STIP1: variants seen among roughly 807,000 people sequenced by gnomAD.
STIP1 encodes stress-induced-phosphoprotein 1.
STIP1 carries 16 observed loss-of-function variants against 77.4 expected under a neutral mutation model. The observed-to-expected ratio is 0.21, with a 90% CI of 0.14 to 0.31. STIP1 has a LOEUF of 0.31. STIP1 is among the 10% of genes least tolerant of loss of function. STIP1 has a pLI of 1.00. For missense variants in STIP1, 524 were observed against 684.8 expected, an observed-to-expected ratio of 0.77 and a Z score of 2.62; for synonymous variants, 258 against 246.6, an observed-to-expected ratio of 1.05 and a Z score of -0.44.
Position 64,193,145 on chromosome 11 carries a change from G to A in STIP1, c.77G>A (p.Cys26Tyr). 6.2e-7 allele frequency: 1 copy of A among 1,614,172 alleles called. No homozygotes were observed. Among genetic ancestry groups the A allele is most frequent in the Non-Finnish European group, 8.5e-7 (1 of 1,180,020 alleles). ...SVGNIDDALQCYSEAIKLDPH... is the reference protein window; with the variant it reads ...SVGNIDDALQYYSEAIKLDPH... The stretch of plus-strand genomic sequence containing the variant: ...GGTAACATCGATGATGCCTTACAGT[G>A]CTACTCCGAAGCTATTAAGCTGGAT... Residue 26 changes from cysteine to tyrosine, a missense_variant, in exon 2 of 14, where the codon TGC becomes TAC. Coordinates refer to ENST00000305218, the MANE Select transcript of STIP1 (RefSeq NM_006819.3).
chr11:64,191,582 G>A (rs2845598), intron 1 of STIP1, among the ~76,000 whole-genome samples: 5,795 of 152,204 alleles, frequency 0.038, 369 homozygotes, highest in African/African-American at 0.13. Context: ...CTCCAGTCTG[G>A]GGACAGAGCA....
chr11:64,189,675 T>G (rs907188586), intron 1 of STIP1, among the ~76,000 whole-genome samples: 1 of 152,250 alleles, frequency 6.6e-6, no homozygotes, highest in South Asian at 2.1e-4. Flanking sequence ...TTTACTGTTA[T>G]GTGCACTGTG....
intron 4 of STIP1, 135 bp downstream of exon 4, chr11:64,194,755 TG>T: frequency 9.0e-7 from 1 of 1,116,008 alleles, no homozygotes; most frequent in South Asian, 1.7e-5. Context: ...GAGCAGTAGG[TG>T]GTGGTCGTTT....
intron 10 of STIP1, among the ~76,000 whole-genome samples, chr11:64,202,117 C>T (rs1015056526): frequency 1.3e-5 from 2 of 152,364 alleles, no homozygotes; most frequent in South Asian, 4.1e-4. Context: ...TGTCAGCACA[C>T]GCGACCTCAC....
chr11:64,203,413 C>T (rs1488683044), intron 12 of STIP1, 37 bp from the exon 13 acceptor site: 1 of 1,612,636 alleles, frequency 6.2e-7, no homozygotes, highest in Non-Finnish European at 8.5e-7. Context: ...GCTGGGTGGT[C>T]CTAACACGCT....
At position 64,199,798 on chromosome 11, in the gene STIP1, C is replaced by T. The variant is rs1591013677; in HGVS notation, c.1024-142C>T. On this transcript the variant is annotated intron_variant, in intron 8 of 13. Coordinates refer to ENST00000305218, the MANE Select transcript of STIP1 (RefSeq NM_006819.3). ...CAGGATGGTCTCGATCTCCTGACCTCGTGATCCACCCGCCTCGGCCTCCCA... is the reference window on the plus strand; with the variant it reads ...CAGGATGGTCTCGATCTCCTGACCTTGTGATCCACCCGCCTCGGCCTCCCA... 10 of 758,584 alleles carry T rather than the reference C, an allele frequency of 1.3e-5. No individual in the cohort carries two copies. In the East Asian group the frequency reaches 1.6e-4, roughly 12 times the overall value. The allele number at this position is 758,584 out of a possible 1,614,324, so 47.0% of individuals were successfully genotyped here.
At chr11:64,199,528 C>T (rs1242548703) in intron 8 of STIP1, among the ~76,000 whole-genome samples, 1 of 141,284 alleles carries the variant, frequency 7.1e-6, no homozygotes, top group African/African-American at 2.6e-5. Flanking sequence ...AGAAAAAAAT[C>T]TTGCCAGCAA....
chr11:64,189,019 A>G (rs1946060292), intron 1 of STIP1, among the ~76,000 whole-genome samples: 1 of 152,230 alleles, frequency 6.6e-6, no homozygotes, highest in African/African-American at 2.4e-5. Context: ...GTTTGAGACC[A>G]ACCTGTCCAG....
intron 8 of STIP1, 28 bp from the exon 9 acceptor site, chr11:64,199,912 T>G (rs1256330822): frequency 6.2e-7 from 1 of 1,612,966 alleles, no homozygotes; most frequent in Non-Finnish European, 8.5e-7. Flanking sequence ...AGCGTTTAAA[T>G]TATTATTTCA....
At chr11:64,200,103 TA>T (rs1946200653) in intron 9 of STIP1, 65 bp from the exon 10 acceptor site, 1 of 1,612,168 alleles carries the variant, frequency 6.2e-7, no homozygotes, top group Non-Finnish European at 8.5e-7. Context: ...GGCTGTGGGG[TA>T]AATGGCCGGC....
intron 10 of STIP1, 104 bp downstream of exon 10, chr11:64,200,397 T>C: frequency 6.7e-7 from 1 of 1,495,964 alleles, no homozygotes; most frequent in Non-Finnish European, 9.0e-7. Context: ...ATCATGATGT[T>C]TGAGACAGTG....
At chr11:64,186,337 AG>A (rs1042533512) in intron 1 of STIP1, 67 bp downstream of exon 1, 11 of 31,064 alleles carry the variant, frequency 3.5e-4, no homozygotes, top group Middle Eastern at 9.3e-3. Flanking sequence ...AGGCCGCGGT[AG>A]GGGGGCGGGG....
At chr11:64,203,035 G>A (rs1415373868) in intron 11 of STIP1, 90 bp from the exon 12 acceptor site, 3 of 1,589,950 alleles carry the variant, frequency 1.9e-6, no homozygotes, top group Non-Finnish European at 2.6e-6. Context: ...ACATCAGCAG[G>A]TGTGAACAGT....
At chr11:64,194,741 T>G in intron 4 of STIP1, 121 bp downstream of exon 4, 1 of 1,252,994 alleles carries the variant, frequency 8.0e-7, no homozygotes, top group Non-Finnish European at 1.1e-6. Context: ...GCTTATTCTC[T>G]GCAGAGCAGT....
rs1449459941 is a variant in STIP1 at position 64,186,248 on chromosome 11, G to A, written c.-14G>A. ...ACGGATTCGATTCAACGGGGTTCCG[G>A]ACCGCGCTGCGCTATGGAGCAGGTG... On this transcript the variant is annotated 5_prime_UTR_variant, in exon 1 of 14. Transcript: ENST00000305218. 1.3e-6 allele frequency: 2 copies of A among 1,510,848 alleles called. No homozygotes were observed. Among genetic ancestry groups the A allele is most frequent in the Non-Finnish European group, 1.8e-6 (2 of 1,122,566 alleles). The allele number at this position is 1,510,848 out of a possible 1,614,324, so 93.6% of individuals were successfully genotyped here. A position where few individuals can be genotyped will look rare whatever the true frequency, so the allele number is the denominator to read the frequency against.
intron 5 of STIP1, 146 bp downstream of exon 5, chr11:64,195,959 C>A: frequency 8.4e-7 from 1 of 1,187,446 alleles, no homozygotes; most frequent in Non-Finnish European, 1.2e-6. Flanking sequence ...CCAGGTTGGT[C>A]TTGAACTTCT....
At chr11:64,198,061 A>AGT in intron 8 of STIP1, 87 bp downstream of exon 8, 1 of 1,333,618 alleles carries the variant, frequency 7.5e-7, no homozygotes, top group Non-Finnish European at 9.9e-7. Context: ...AATGAACTTG[A>AGT]CTTTTTTTTT....
In STIP1 at chr11:64,203,922, G is replaced by A. The variant is rs988595374; in HGVS notation, c.1560-132G>A. 43 of 1,089,702 alleles carry A rather than the reference G, an allele frequency of 3.9e-5. No homozygotes were observed. The Admixed American group carries it at 7.5e-4, about 19-fold the overall frequency. 67.5% of individuals were successfully genotyped at this position (1,089,702 alleles called of 1,614,324 possible). ...GAAGTGGAGCAGGCCTCTGCAGCTC[G>A]GCGCCCCGGGCCTCGCCAGGACCCC... On this transcript the variant is annotated intron_variant, in intron 13 of 13. Coordinates refer to ENST00000305218, the MANE Select transcript of STIP1 (RefSeq NM_006819.3).
chr11:64,201,909 C>A (rs1946222839), intron 10 of STIP1, among the ~76,000 whole-genome samples: 1 of 152,252 alleles, frequency 6.6e-6, no homozygotes, highest in Admixed American at 6.5e-5. Context: ...TCTTCCTCAT[C>A]ATTTCTCACT....
Sources: allele counts gnomAD v4.1 joint callset (sites outside exome capture counted in the v4.1 genomes callset), GRCh38; gene constraint gnomAD v4.1.1; transcripts MANE v1.5; gene names NCBI Gene and HGNC (gene_info 2026-07-23, HGNC 2026-07-21).